The following FIGN variants were observed in gnomAD, a reference collection of about 807,000 sequenced individuals.
FIGN encodes the protein fidgetin, microtubule severing factor.
Under a neutral mutation model 51.3 loss-of-function variants are expected in FIGN, and 11 were observed. The observed-to-expected ratio is 0.21, with a 90% CI of 0.13 to 0.35. The LOEUF (loss-of-function observed/expected upper bound fraction) is 0.35. Ranked by LOEUF, FIGN falls within the 10% of genes least tolerant of loss-of-function variation. FIGN has a pLI of 1.00. For synonymous variants in FIGN, 407 were observed against 363.2 expected, an observed-to-expected ratio of 1.12 and a Z score of -1.37; for missense variants, 857 against 943.6, an observed-to-expected ratio of 0.91 and a Z score of 1.20.
At chr2:163,638,530 T>A (rs1190757594) in intron 2 of FIGN, among the ~76,000 whole-genome samples, 1 of 152,080 alleles carries the variant, frequency 6.6e-6, no homozygotes, top group Non-Finnish European at 1.5e-5. Context: ...GCACTTCAAA[T>A]CCTCTTATTC....
chr2:163,619,984 A>G lies in FIGN; in HGVS notation c.26-8178T>C, dbSNP rs550466888. Among the ~76,000 whole-genome samples, 372 of 152,234 alleles carry G rather than the reference A, an allele frequency of 2.4e-3. 3 individuals carry two copies. Among genetic ancestry groups the G allele is most frequent in the African/African-American group, 8.8e-3 (365 of 41,556 alleles). On this transcript the variant is annotated intron_variant, in intron 2 of 2. Coordinates refer to ENST00000333129, the MANE Select transcript of FIGN (RefSeq NM_018086.4). ...AATAATAATCTAAAACCAAGTAAAA[A>G]AAAGTGTACAAAACTGTGTATATTC...
At chr2:163,624,936 A>G (rs1396209585) in intron 2 of FIGN, among the ~76,000 whole-genome samples, 1 of 151,976 alleles carries the variant, frequency 6.6e-6, no homozygotes, top group African/African-American at 2.4e-5. Flanking sequence ...GTAGTGTCAT[A>G]ATTAAGCTCC....
At chr2:163,730,210 T>G (rs1684903910) in intron 2 of FIGN, among the ~76,000 whole-genome samples, 1 of 152,236 alleles carries the variant, frequency 6.6e-6, no homozygotes, top group Non-Finnish European at 1.5e-5. Flanking sequence ...CTATTTTACT[T>G]TTTAAAATAA....
intron 2 of FIGN, among the ~76,000 whole-genome samples, chr2:163,629,044 GC>G (rs1180608497): frequency 3.9e-5 from 6 of 152,132 alleles, no homozygotes; most frequent in Admixed American, 3.3e-4. Flanking sequence ...AGAAGTCCAA[GC>G]TTTACAAGGA....
chr2:163,689,396 T>A (rs1684204366), intron 2 of FIGN, among the ~76,000 whole-genome samples: 1 of 152,156 alleles, frequency 6.6e-6, no homozygotes, highest in Admixed American at 6.6e-5. Flanking sequence ...TGGTTTAACT[T>A]TCAATGTAAG....
intron 2 of FIGN, among the ~76,000 whole-genome samples, chr2:163,698,507 C>G (rs868625421): frequency 6.6e-6 from 1 of 152,086 alleles, no homozygotes; most frequent in Admixed American, 6.6e-5. Context: ...AGATTCCCCC[C>G]ACCCTACAAA....
intron 1 of FIGN, among the ~76,000 whole-genome samples, chr2:163,735,531 G>T (rs1413075037): frequency 6.6e-6 from 1 of 152,300 alleles, no homozygotes; most frequent in South Asian, 2.1e-4. Flanking sequence ...GAAGTAAAAA[G>T]ATAGTAATAA....
At chr2:163,707,656 G>A (rs932791433) in intron 2 of FIGN, among the ~76,000 whole-genome samples, 9 of 151,890 alleles carry the variant, frequency 5.9e-5, no homozygotes, top group African/African-American at 2.2e-4. Context: ...CAAGAATGCA[G>A]GCCTTTTATT....
intron 2 of FIGN, among the ~76,000 whole-genome samples, chr2:163,632,743 G>T (rs1437314166): frequency 6.6e-6 from 1 of 152,162 alleles, no homozygotes; most frequent in Non-Finnish European, 1.5e-5. Flanking sequence ...CTAGGAGAAA[G>T]AACTAAAGAG....
At position 163,716,153 on chromosome 2, in the gene FIGN, G is replaced by T. The variant is rs118064142; in HGVS notation, c.25+18750C>A. 4.1e-4 allele frequency among the ~76,000 whole-genome samples: 63 copies of T among 152,284 alleles called. 1 individual carries two copies. In the East Asian group the frequency reaches 0.012, roughly 29 times the overall value. ...TGTTTCTAATTAAAATGTAAACAGC[G>T]TAATGAAGACATCAAGTTTTTAGGC... is the stretch of plus-strand genomic sequence containing the variant. On this transcript the variant is annotated intron_variant, in intron 2 of 2. Transcript: ENST00000333129.
chr2:163,720,054 T>C (rs1363453137), intron 2 of FIGN, among the ~76,000 whole-genome samples: 2 of 152,128 alleles, frequency 1.3e-5, no homozygotes, highest in Non-Finnish European at 2.9e-5. Flanking sequence ...CAAATGCACA[T>C]GCACAGAAAA....
At chr2:163,652,613 A>G (rs2105322519) in intron 2 of FIGN, among the ~76,000 whole-genome samples, 1 of 152,258 alleles carries the variant, frequency 6.6e-6, no homozygotes, top group South Asian at 2.1e-4. Flanking sequence ...GTTAACCAGC[A>G]TATGTTCTGC....
At position 163,611,339 on chromosome 2, in the gene FIGN, T is replaced by G; in HGVS notation, c.493A>C (p.Ser165Arg). The stretch of plus-strand genomic sequence containing the variant: ...ACAGTGTGGCTTCCACAGGTACTAC[T>G]TGAATAACTAGGTTCTGTCAGGTTG... Reference protein sequence around the residue: ...ASNLTEPSYSSSTCGSHTVPS... With the variant: ...ASNLTEPSYSRSTCGSHTVPS... The change falls in exon 3 of 3, where the codon AGT becomes CGT. Residue 165 changes from serine to arginine, a missense_variant. Ser to Arg is a moderately radical substitution (Grantham distance 110). This residue lies in a region of FIGN where 799 missense variants were observed against 849.5 expected (regional missense o/e 0.94). Transcript: ENST00000333129. The G allele has an allele frequency of 1.2e-6, 2 of 1,614,176 alleles. No individual in the cohort carries two copies. Among genetic ancestry groups the G allele is most frequent in the Non-Finnish European group, 1.7e-6 (2 of 1,180,028 alleles).
At chr2:163,636,338 T>TGCTGCAACAAGAGC (rs1683225245) in intron 2 of FIGN, among the ~76,000 whole-genome samples, 1 of 152,168 alleles carries the variant, frequency 6.6e-6, no homozygotes, top group Non-Finnish European at 1.5e-5. Context: ...CAGGCTAGAG[T>TGCTGCAACAAGAGC]GCAACGGTGC....
chr2:163,663,952 G>T (rs1255109689), intron 2 of FIGN, among the ~76,000 whole-genome samples: 1 of 152,106 alleles, frequency 6.6e-6, no homozygotes, highest in Non-Finnish European at 1.5e-5. Flanking sequence ...CGACTTACGA[G>T]TTTTAACAAA....
chr2:163,668,579 T>C (rs896539094), intron 2 of FIGN, among the ~76,000 whole-genome samples: 9 of 152,332 alleles, frequency 5.9e-5, no homozygotes, highest in Middle Eastern at 3.4e-3. Flanking sequence ...GTATATTACA[T>C]GGTAATAAAA....
chr2:163,661,323 T>G (rs1165948927), intron 2 of FIGN, among the ~76,000 whole-genome samples: 1 of 151,886 alleles, frequency 6.6e-6, no homozygotes, highest in Non-Finnish European at 1.5e-5. Flanking sequence ...CACTGCAACC[T>G]CTGCCTACTG....
intron 2 of FIGN, among the ~76,000 whole-genome samples, chr2:163,614,301 C>G (rs1682829064): frequency 6.6e-6 from 1 of 152,134 alleles, no homozygotes; most frequent in Admixed American, 6.6e-5. Context: ...AGGAATCATA[C>G]TTTCATTAAA....
intron 2 of FIGN, among the ~76,000 whole-genome samples, chr2:163,652,357 CACAA>C (rs749658836): frequency 0.046 from 5,586 of 121,648 alleles, 197 homozygotes; most frequent in African/African-American, 0.083. Flanking sequence ...CACACACACA[CACAA>C]ACACACACAC....
Sources: gnomAD v4.1 joint callset for allele counts (sites outside exome capture counted in the v4.1 genomes callset) on GRCh38, gnomAD v4.1.1 for gene constraint, gnomAD v4.1.1 regional missense constraint, MANE v1.5 for transcripts, NCBI Gene and HGNC (gene_info 2026-07-23, HGNC 2026-07-21) for gene names.